The following TRAPPC12 variants were observed in gnomAD, a reference collection of about 807,000 sequenced individuals.
The protein encoded by TRAPPC12 is trafficking protein particle complex subunit 12, also known as TPR repeat protein 15.
A neutral mutation model predicts 69.2 loss-of-function variants in TRAPPC12; 61 were observed. The ratio of observed to expected loss-of-function variants is 0.88; its 90% CI spans 0.72 to 1.09. The LOEUF (loss-of-function observed/expected upper bound fraction) is 1.09, where lower values mean the gene tolerates loss of function less well. TRAPPC12 is among the 50% of genes least tolerant of loss of function. TRAPPC12 has a pLI of 0.00. For synonymous variants in TRAPPC12, 469 were observed against 438.9 expected, an observed-to-expected ratio of 1.07 and a Z score of -0.86; for missense variants, 1,101 against 1,016.4, an observed-to-expected ratio of 1.08 and a Z score of -1.13.
chr2:3,407,536 A>G (rs1157615035), intron 3 of TRAPPC12, among the ~76,000 whole-genome samples: 2 of 152,206 alleles, frequency 1.3e-5, no homozygotes, highest in Non-Finnish European at 2.9e-5. Flanking sequence ...TATTTCTGAC[A>G]TCTATCATTG....
intron 6 of TRAPPC12, among the ~76,000 whole-genome samples, chr2:3,451,609 G>C (rs1372045805): frequency 6.6e-6 from 1 of 151,770 alleles, no homozygotes; most frequent in Non-Finnish European, 1.5e-5. Context: ...CTGCAGCCTT[G>C]ACCTCCCCGG....
chr2:3,417,474 C>A (rs1662484755), intron 3 of TRAPPC12, among the ~76,000 whole-genome samples: 1 of 152,176 alleles, frequency 6.6e-6, no homozygotes, highest in Admixed American at 6.5e-5. Context: ...AAATACATTT[C>A]TCTGTTTAGA....
rs1300101007 is a variant in TRAPPC12, at chr2:3,388,638, A to C, written c.1015A>C (p.Thr339Pro). 1 of 1,580,480 alleles carries C rather than the reference A, an allele frequency of 6.3e-7. No individual in the cohort carries two copies. The highest frequency in any genetic ancestry group is 1.8e-5 in the Admixed American group (1 of 56,836). ...GAVFVDKENL[T>P]MPGLRFDNIQ... ...CGTGTTCGTGGACAAGGAGAACCTC[A>C]CCATGCCGGGCCTCAGGTTCGACAA... is the stretch of plus-strand genomic sequence containing the variant. The change falls in exon 2 of 12, where the codon ACC becomes CCC. Residue 339 changes from threonine (T) to proline (P), a missense_variant. By Grantham distance (38) the Thr-to-Pro change is conservative. Transcript: ENST00000324266.
chr2:3,383,919 A>T (rs1660371151), intron 1 of TRAPPC12, among the ~76,000 whole-genome samples: 2 of 79,306 alleles, frequency 2.5e-5, no homozygotes, highest in East Asian at 3.8e-4. Context: ...TTTTGAGATG[A>T]AGTTTCGCTG....
intron 2 of TRAPPC12, chr2:3,389,852 C>T (rs1213283272): frequency 8.6e-6 from 4 of 462,524 alleles, no homozygotes; most frequent in Non-Finnish European, 1.8e-5. Flanking sequence ...GGTGGTCCCC[C>T]ACCGAAAGTC....
At chr2:3,388,846 C>T in intron 2 of TRAPPC12, 176 bp downstream of exon 2, 1 of 606,998 alleles carries the variant, frequency 1.6e-6, no homozygotes, top group Non-Finnish European at 2.7e-6. Flanking sequence ...TGTTGGTTTC[C>T]CCAACAGAAC....
At chr2:3,479,108 A>G (rs1032835340) in intron 11 of TRAPPC12, 111 bp from the exon 12 acceptor site, 2 of 1,542,132 alleles carry the variant, frequency 1.3e-6, no homozygotes, top group African/African-American at 2.7e-5. Flanking sequence ...GGCTCTGCCC[A>G]GCAGCTCTGC....
In TRAPPC12 at chr2:3,387,795, C is replaced by G; in HGVS notation, c.172C>G (p.Leu58Val). Residue 58 changes from leucine (L) to valine (V), a missense_variant, in exon 2 of 12, where the codon CTC becomes GTC. Leu to Val is a conservative substitution (Grantham distance 32). Transcript: ENST00000324266. ...GACCGCATCGGAAGGCTCGAGTCCT[C>G]TCGCGGACAAGCTGAACGAACACAT... is the stretch of plus-strand genomic sequence containing the variant. ...NETASEGSSP[L>V]ADKLNEHMME... 1 of 1,613,492 alleles carries G rather than the reference C, an allele frequency of 6.2e-7. No individual in the cohort carries two copies. The highest frequency in any genetic ancestry group is 8.5e-7 in the Non-Finnish European group (1 of 1,179,644).
intron 7 of TRAPPC12, chr2:3,458,059 GGACAGAGGCC>G: frequency 5.7e-6 from 2 of 353,724 alleles, no homozygotes; most frequent in South Asian, 3.3e-4. Context: ...TCTGCGTCGG[GGACAGAGGCC>G]TCTGCGTCGG....
At chr2:3,412,755 C>T (rs1248473200) in intron 3 of TRAPPC12, among the ~76,000 whole-genome samples, 1 of 152,122 alleles carries the variant, frequency 6.6e-6, no homozygotes, top group South Asian at 2.1e-4. Flanking sequence ...ACTGGGCCAT[C>T]ATCTGTTCCG....
chr2:3,443,784 A>G lies in TRAPPC12; in HGVS notation c.1423A>G (p.Met475Val), dbSNP rs1036226494. The part of the protein sequence containing the change: ...PHVYPGRRGS[M>V]VPFSMRILHA... ...CAGCACTGATTGGATTCCAGGCTCC[A>G]TGGTCCCCTTCTCGATGCGCATCTT... is the stretch of plus-strand genomic sequence containing the variant. The change falls in exon 6 of 12, where the codon ATG becomes GTG. Residue 475 changes from methionine (M) to valine (V), a missense_variant. Met to Val is a conservative substitution (Grantham distance 21). Transcript: ENST00000324266. The G allele has an allele frequency of 3.7e-6, 6 of 1,613,874 alleles. No individual in the cohort carries two copies. The highest frequency in any genetic ancestry group is 1.1e-5 in the South Asian group (1 of 91,076).
At chr2:3,448,497 TCAAA>T (rs1161786573) in intron 6 of TRAPPC12, among the ~76,000 whole-genome samples, 12 of 151,604 alleles carry the variant, frequency 7.9e-5, no homozygotes, top group South Asian at 4.2e-4. Context: ...GTGAGGAGAG[TCAAA>T]CAGAGTGAAA....
intron 7 of TRAPPC12, 119 bp downstream of exon 7, chr2:3,457,812 C>T: frequency 6.8e-7 from 1 of 1,478,740 alleles, no homozygotes; most frequent in Non-Finnish European, 8.9e-7. Flanking sequence ...TGCACGTGTC[C>T]ACTCGTGCAT....
At chr2:3,401,618 T>G (rs969210685) in intron 2 of TRAPPC12, among the ~76,000 whole-genome samples, 159 bp from the exon 3 acceptor site, 1 of 152,268 alleles carries the variant, frequency 6.6e-6, no homozygotes, top group African/African-American at 2.4e-5. Flanking sequence ...TGTGCTAATT[T>G]AGCTTCTGGT....
At chr2:3,462,824 C>G (rs757626259) in intron 8 of TRAPPC12, 30 of 446,594 alleles carry the variant, frequency 6.7e-5, no homozygotes, top group Non-Finnish European at 1.3e-4. Context: ...CCGGGTGCCC[C>G]TGGGAGGCCA....
chr2:3,397,947 A>C (rs1572095690), intron 2 of TRAPPC12, among the ~76,000 whole-genome samples: 1 of 152,060 alleles, frequency 6.6e-6, no homozygotes, highest in Non-Finnish European at 1.5e-5. Context: ...CAAGAGTTCA[A>C]CTCATGTTTT....
intron 7 of TRAPPC12, chr2:3,458,104 C>T: frequency 3.9e-6 from 4 of 1,030,340 alleles, no homozygotes; most frequent in Non-Finnish European, 4.7e-6. Flanking sequence ...GAGGGTGCTT[C>T]AGGAGGAGCT....
chr2:3,467,584 A>C (rs1026753955), intron 9 of TRAPPC12: 1 of 152,210 alleles, frequency 6.6e-6, no homozygotes, highest in Non-Finnish European at 1.5e-5. Context: ...CGGCTTGGGC[A>C]GGTCAGTGTG....
intron 9 of TRAPPC12, among the ~76,000 whole-genome samples, chr2:3,471,788 C>T (rs1666072610): frequency 6.6e-6 from 1 of 152,110 alleles, no homozygotes; most frequent in Non-Finnish European, 1.5e-5. Flanking sequence ...CTTAGAGGGT[C>T]CTCACTGGGA....
Sources: allele counts gnomAD v4.1 joint callset (sites outside exome capture counted in the v4.1 genomes callset), GRCh38; gene constraint gnomAD v4.1.1; transcripts MANE v1.5; gene names NCBI Gene and HGNC (gene_info 2026-07-23, HGNC 2026-07-21).